Variants in CABLES1 observed in about 807,000 individuals in gnomAD.
CABLES1 encodes the protein CDK5 and ABL1 enzyme substrate 1.
CABLES1 carries 36 observed loss-of-function variants against 57.8 expected under a neutral mutation model. The ratio of observed to expected loss-of-function variants is 0.62; its 90% CI spans 0.48 to 0.82. CABLES1 has a LOEUF of 0.82. CABLES1 is among the 40% of genes least tolerant of loss of function. The pLI is 0.00. For missense variants in CABLES1, 767 were observed against 836.6 expected (o/e 0.92, Z 1.03); for synonymous variants, 374 against 363.0 (o/e 1.03, Z -0.35).
chr18:23,247,871 C>T (rs1417119715), intron 7 of CABLES1, among the ~76,000 whole-genome samples: 1 of 152,226 alleles, frequency 6.6e-6, no homozygotes. Context: ...CCACATATTC[C>T]CCACTTACGC....
At chr18:23,217,767 A>G (rs1319703207) in intron 4 of CABLES1, among the ~76,000 whole-genome samples, 1 of 152,272 alleles carries the variant, frequency 6.6e-6, no homozygotes, top group East Asian at 1.9e-4. Flanking sequence ...ATATTAACTA[A>G]TGCCTTTCCA....
chr18:23,174,494 CAG>C (rs1452484701), intron 1 of CABLES1, among the ~76,000 whole-genome samples: 2 of 150,502 alleles, frequency 1.3e-5, no homozygotes, highest in Admixed American at 1.3e-4. Context: ...TTTTTTGAGA[CAG>C]AGTCTCGCTG....
At chr18:23,175,787 C>T (rs1651073184) in intron 1 of CABLES1, among the ~76,000 whole-genome samples, 2 of 152,290 alleles carry the variant, frequency 1.3e-5, no homozygotes, top group African/African-American at 4.8e-5. Context: ...CCTCCTGAGC[C>T]AACCCTGTGG....
chr18:23,200,510 C>T (rs542934311), intron 3 of CABLES1, among the ~76,000 whole-genome samples: 3 of 152,222 alleles, frequency 2.0e-5, no homozygotes, highest in Non-Finnish European at 4.4e-5. Context: ...GATCCGCCCG[C>T]CTTGGCCTCC....
At chr18:23,161,171 T>C (rs79421398) in intron 1 of CABLES1, among the ~76,000 whole-genome samples, 6,461 of 152,220 alleles carry the variant, frequency 0.042, 164 homozygotes, top group Middle Eastern at 0.12. Context: ...TCATCAGCAC[T>C]GCACTCCAGC....
intron 1 of CABLES1, among the ~76,000 whole-genome samples, chr18:23,153,491 T>G (rs530352745): frequency 6.6e-6 from 1 of 152,058 alleles, no homozygotes; most frequent in Admixed American, 6.5e-5. Context: ...CCCGGCACTT[T>G]GGGAGGCTGA....
chr18:23,219,055 G>C (rs759422671), intron 4 of CABLES1: 1 of 388,416 alleles, frequency 2.6e-6, no homozygotes, highest in South Asian at 1.8e-5. Context: ...CCACCCCCCC[G>C]CAAGTGCCTT....
In CABLES1 at chr18:23,252,975, T is replaced by C. The variant is rs2048076155; in HGVS notation, c.1462T>C (p.Tyr488His). The change falls in exon 8 of 10, where the codon TAC becomes CAC. Residue 488 changes from tyrosine to histidine, a missense_variant. By Grantham distance (83) the Tyr-to-His change is moderately conservative. Transcript: ENST00000256925. ...TCTGTTACAGACAACAGTGATTGAC[T>C]ACGTGAAGCCCTCGGATCTCAAGAA... ...FPSYMTTVID[Y>H]VKPSDLKKDM... 1.2e-6 allele frequency: 2 copies of C among 1,611,690 alleles called. No individual in the cohort carries two copies. Among genetic ancestry groups the C allele is most frequent in the African/African-American group, 2.7e-5 (2 of 74,878 alleles).
intron 2 of CABLES1, 192 bp downstream of exon 2, chr18:23,189,101 A>G (rs766046015): frequency 2.5e-5 from 13 of 530,016 alleles, no homozygotes; most frequent in East Asian, 6.5e-5. Flanking sequence ...GTTAAATCCA[A>G]TTAGGTGTTG....
At chr18:23,186,842 G>A (rs193054714) in intron 1 of CABLES1, among the ~76,000 whole-genome samples, 1 of 152,294 alleles carries the variant, frequency 6.6e-6, no homozygotes, top group East Asian at 1.9e-4. Context: ...TGGGTAACAT[G>A]GGGTTTCTGC....
chr18:23,230,595 G>C (rs1472633732), intron 4 of CABLES1, among the ~76,000 whole-genome samples: 1 of 152,170 alleles, frequency 6.6e-6, no homozygotes, highest in Admixed American at 6.5e-5. Flanking sequence ...CAGTGTTCTA[G>C]AGCTGAGATG....
intron 1 of CABLES1, among the ~76,000 whole-genome samples, chr18:23,138,201 T>G (rs1023514168): frequency 1.3e-5 from 2 of 152,216 alleles, no homozygotes; most frequent in African/African-American, 4.8e-5. Context: ...TAAAGGCAGC[T>G]GGAGATCAGA....
At chr18:23,218,148 G>A (rs191089572) in intron 4 of CABLES1, among the ~76,000 whole-genome samples, 1 of 152,204 alleles carries the variant, frequency 6.6e-6, no homozygotes, top group African/African-American at 2.4e-5. Context: ...TTCGTCTGCT[G>A]GGTACTTGAG....
At chr18:23,167,169 T>C (rs2047048473) in intron 1 of CABLES1, among the ~76,000 whole-genome samples, 1 of 152,220 alleles carries the variant, frequency 6.6e-6, no homozygotes, top group Non-Finnish European at 1.5e-5. Flanking sequence ...TTAATATTTT[T>C]ATGTTTGCTT....
intron 1 of CABLES1, among the ~76,000 whole-genome samples, chr18:23,183,795 T>C (rs1193732949): frequency 1.3e-5 from 2 of 152,228 alleles, no homozygotes; most frequent in African/African-American, 2.4e-5. Context: ...TTGTTAAGTC[T>C]ATAATGATAA....
intron 3 of CABLES1, among the ~76,000 whole-genome samples, chr18:23,204,931 T>G (rs894522611): frequency 1.3e-5 from 2 of 152,176 alleles, no homozygotes; most frequent in African/African-American, 4.8e-5. Context: ...GAGCTACAAT[T>G]CAAGATGAGA....
intron 1 of CABLES1, among the ~76,000 whole-genome samples, chr18:23,161,909 C>T (rs964715563): frequency 6.6e-6 from 1 of 150,860 alleles, no homozygotes; most frequent in Non-Finnish European, 1.5e-5. Flanking sequence ...GTGGACAGAG[C>T]AAGACTCCGT....
chr18:23,250,894 CAA>C (rs1164718593), intron 7 of CABLES1, among the ~76,000 whole-genome samples: 1 of 152,212 alleles, frequency 6.6e-6, no homozygotes, highest in East Asian at 1.9e-4. Flanking sequence ...ACCAGAGAAG[CAA>C]AGAGAGGACC....
intron 3 of CABLES1, among the ~76,000 whole-genome samples, chr18:23,202,587 A>G (rs1278599963): frequency 6.6e-6 from 1 of 152,232 alleles, no homozygotes. Context: ...GTTCCCAGCC[A>G]TTAGATACAC....
Sources: allele counts gnomAD v4.1 joint callset (sites outside exome capture counted in the v4.1 genomes callset), GRCh38; gene constraint gnomAD v4.1.1; transcripts MANE v1.5; gene names NCBI Gene and HGNC (gene_info 2026-07-23, HGNC 2026-07-21).